PCCA: variants seen among roughly 807,000 people sequenced by gnomAD.
The protein encoded by PCCA is propionyl-CoA carboxylase alpha chain, mitochondrial.
In PCCA, 74 loss-of-function variants were observed where a neutral mutation model predicts 101.3. The ratio of observed to expected loss-of-function variants is 0.73; its 90% confidence interval spans 0.61 to 0.89. The LOEUF (loss-of-function observed/expected upper bound fraction) is 0.89. Ranked by LOEUF, PCCA falls within the 40% of genes least tolerant of loss-of-function variation. The pLI is 0.00. For synonymous variants in PCCA, 294 were observed against 313.6 expected (o/e 0.94, Z 0.66); for missense variants, 891 against 907.0 (o/e 0.98, Z 0.23).
chr13:100,173,012 A>C (rs868122779), intron 6 of PCCA, among the ~76,000 whole-genome samples: 15 of 151,346 alleles, frequency 9.9e-5, no homozygotes, highest in African/African-American at 2.9e-4. Context: ...TTTTTTTTTT[A>C]CCCATCCTTA....
intron 10 of PCCA, among the ~76,000 whole-genome samples, chr13:100,263,922 T>TA (rs1237131802): frequency 2.0e-5 from 3 of 150,306 alleles, no homozygotes; most frequent in African/African-American, 7.3e-5. Context: ...ATGTCATAGA[T>TA]ACGGTATCTG....
chr13:100,205,239 G>A (rs911180818), intron 6 of PCCA, among the ~76,000 whole-genome samples: 2 of 152,082 alleles, frequency 1.3e-5, no homozygotes, highest in Non-Finnish European at 1.5e-5. Flanking sequence ...AAGTCACACC[G>A]CTGCCTGGTC....
At chr13:100,500,918 T>C (rs1420282339) in intron 21 of PCCA, among the ~76,000 whole-genome samples, 1 of 152,028 alleles carries the variant, frequency 6.6e-6, no homozygotes, top group Non-Finnish European at 1.5e-5. Flanking sequence ...CCGAGGCGGG[T>C]AGATCACAAG....
At chr13:100,259,260 G>A (rs892060958) in intron 9 of PCCA, among the ~76,000 whole-genome samples, 3 of 151,600 alleles carry the variant, frequency 2.0e-5, no homozygotes, top group East Asian at 1.9e-4. Context: ...TTTTTTGGGG[G>A]GAAGTAGCAT....
At chr13:100,463,950 C>G (rs2082339221) in intron 21 of PCCA, among the ~76,000 whole-genome samples, 1 of 152,172 alleles carries the variant, frequency 6.6e-6, no homozygotes. Flanking sequence ...CTGTTGCCAC[C>G]TGCCAAAGAT....
chr13:100,146,574 CAA>C (rs34460515), intron 4 of PCCA, among the ~76,000 whole-genome samples: 8 of 97,970 alleles, frequency 8.2e-5, no homozygotes, highest in Admixed American at 1.1e-4. Flanking sequence ...GACTCTGTCT[CAA>C]AAAAAAAAAA....
At chr13:100,338,471 T>C (rs950403052) in intron 17 of PCCA, among the ~76,000 whole-genome samples, 2 of 151,992 alleles carry the variant, frequency 1.3e-5, no homozygotes, top group African/African-American at 2.4e-5. Context: ...ACTATGAAAA[T>C]CATTTGACCT....
Position 100,269,082 on chromosome 13 carries a change from A to G in PCCA, c.914+299A>G, listed in dbSNP as rs985155288. Among the ~76,000 whole-genome samples the G allele has an allele frequency of 2.0e-5, 3 of 152,206 alleles. No homozygotes were observed. In the East Asian group the frequency reaches 5.8e-4, roughly 29 times the overall value. ...AGGCTGGCCTTGAACTCCTGGCATCAAAAGATTAGCCCACCTCAGCCTCCC... is the reference window on the plus strand; with the variant it reads ...AGGCTGGCCTTGAACTCCTGGCATCGAAAGATTAGCCCACCTCAGCCTCCC... On this transcript the variant is annotated intron_variant, in intron 11 of 23. Coordinates refer to ENST00000376285, the MANE Select transcript of PCCA (RefSeq NM_000282.4).
intron 19 of PCCA, among the ~76,000 whole-genome samples, chr13:100,390,040 A>G (rs756773401): frequency 1.3e-5 from 2 of 152,214 alleles, no homozygotes; most frequent in Non-Finnish European, 2.9e-5. Context: ...CCTCAGCTGC[A>G]AGTATTTTGG....
intron 18 of PCCA, among the ~76,000 whole-genome samples, chr13:100,366,851 T>G (rs932087255): frequency 2.0e-5 from 3 of 152,216 alleles, no homozygotes; most frequent in Non-Finnish European, 4.4e-5. Flanking sequence ...ATCTTCAGAA[T>G]AATGCAGATC....
intron 23 of PCCA, among the ~76,000 whole-genome samples, chr13:100,528,308 G>A (rs1206187900): frequency 2.6e-5 from 4 of 152,170 alleles, no homozygotes; most frequent in African/African-American, 9.7e-5. Context: ...CTTTTAAGCA[G>A]TAACTTCATT....
intron 19 of PCCA, 108 bp from the exon 20 acceptor site, chr13:100,425,524 GT>G: frequency 1.3e-6 from 1 of 761,748 alleles, no homozygotes; most frequent in Non-Finnish European, 2.4e-6. Flanking sequence ...ATGACAGGTT[GT>G]TTGGGAGCCA....
intron 21 of PCCA, among the ~76,000 whole-genome samples, chr13:100,451,295 A>G (rs1304334678): frequency 1.3e-5 from 2 of 152,234 alleles, no homozygotes; most frequent in African/African-American, 2.4e-5. Context: ...AGGTTGACAC[A>G]TAAAATTAAC....
At chr13:100,280,127 C>T (rs1406396821) in intron 12 of PCCA, among the ~76,000 whole-genome samples, 1 of 151,760 alleles carries the variant, frequency 6.6e-6, no homozygotes, top group Non-Finnish European at 1.5e-5. Flanking sequence ...AAGAAAGTCA[C>T]CGCGTTTGGT....
chr13:100,506,374 C>T (rs1226061934), intron 21 of PCCA, among the ~76,000 whole-genome samples: 6 of 32,864 alleles, frequency 1.8e-4, no homozygotes, highest in South Asian at 1.1e-3. Flanking sequence ...GAAACCTTCG[C>T]GGGCGGGGGT....
chr13:100,250,663 C>T lies in PCCA; in HGVS notation c.638-6932C>T, dbSNP rs562373635. ...TTCTGATATGAATCACATTTTGCAT[C>T]TTTACCTATCTCTTAATTGTTGATT... On this transcript the variant is annotated intron_variant, in intron 8 of 23. Transcript: ENST00000376285. Among the ~76,000 whole-genome samples the T allele has an allele frequency of 1.3e-4, 20 of 152,152 alleles. No homozygotes were observed. In the South Asian group the frequency reaches 4.1e-3, roughly 32 times the overall value.
intron 2 of PCCA, among the ~76,000 whole-genome samples, chr13:100,103,315 CT>C (rs199517193): frequency 2.3e-3 from 328 of 144,040 alleles, no homozygotes; most frequent in Non-Finnish European, 2.4e-3. Flanking sequence ...TTACTTAATA[CT>C]TTTTTTTTTT....
chr13:100,357,090 G>A (rs537979946), intron 18 of PCCA, among the ~76,000 whole-genome samples: 1 of 152,232 alleles, frequency 6.6e-6, no homozygotes, highest in African/African-American at 2.4e-5. Flanking sequence ...CCCTTATGAG[G>A]CAATGAAAAC....
chr13:100,499,127 C>T lies in PCCA; in HGVS notation c.1900-16300C>T, dbSNP rs185179686. On this transcript the variant is annotated intron_variant, in intron 21 of 23. Transcript: ENST00000376285. ...ACTATGGGCGTGTGCAGTCAACACA[C>T]GGAACACAAGGGGTTTGCTTCCGTG... Among the ~76,000 whole-genome samples the T allele has an allele frequency of 1.3e-3, 202 of 152,308 alleles. 1 individual carries two copies. The highest frequency in any genetic ancestry group is 2.2e-3 in the Non-Finnish European group (150 of 68,028).
Sources: gnomAD v4.1 joint callset for allele counts (sites outside exome capture counted in the v4.1 genomes callset) on GRCh38, gnomAD v4.1.1 for gene constraint, MANE v1.5 for transcripts, NCBI Gene and HGNC (gene_info 2026-07-23, HGNC 2026-07-21) for gene names.